NRXN3: variants seen among roughly 807,000 people sequenced by gnomAD.
NRXN3 encodes the protein neurexin 3.
NRXN3 carries 32 observed loss-of-function variants against 137.6 expected under a neutral mutation model. That is an observed-to-expected ratio of 0.23 (90% CI 0.18 to 0.31). NRXN3 has a LOEUF of 0.31. Among genes scored for constraint, NRXN3 ranks in the 10% least tolerant of loss-of-function variants. The pLI, the probability that NRXN3 is intolerant of heterozygous loss-of-function variation, is 1.00. For synonymous variants in NRXN3, 798 were observed against 784.5 expected (o/e 1.02, Z -0.29); for missense variants, 1,574 against 2,062.5 (o/e 0.76, Z 4.59).
rs200832143 is a variant in NRXN3, at chr14:78,943,620, AAATATATATATAT to A, written c.2276-13620_2276-13608del. ...AAGCAAGATCACTGTTAAAAAAAAA[AAATATATATATAT>A]ATATATATATATATATATATATATA... On this transcript the variant is annotated intron_variant, in intron 10 of 20. Coordinates refer to ENST00000335750, the MANE Select transcript of NRXN3 (RefSeq NM_001330195.2). Among the ~76,000 whole-genome samples, 21 of 32,096 alleles carry A rather than the reference AAATATATATATAT, an allele frequency of 6.5e-4. 1 individual carries two copies. The highest frequency in any genetic ancestry group is 4.6e-3 in the East Asian group (5 of 1,082). 21.1% of individuals were successfully genotyped at this position (32,096 alleles called of 152,430 possible). A position where few individuals can be genotyped will look rare whatever the true frequency, so the allele number is the denominator to read the frequency against.
At chr14:79,385,685 T>A (rs1344961397) in intron 15 of NRXN3, among the ~76,000 whole-genome samples, 2 of 152,144 alleles carry the variant, frequency 1.3e-5, no homozygotes, top group Non-Finnish European at 2.9e-5. Flanking sequence ...TAAAAGTGTG[T>A]GGCCATTTAC....
chr14:79,016,555 T>C (rs1425762098), intron 15 of NRXN3, among the ~76,000 whole-genome samples: 2 of 152,146 alleles, frequency 1.3e-5, no homozygotes, highest in African/African-American at 2.4e-5. Flanking sequence ...CCAGCTCTAG[T>C]AGAGCCTGTG....
At chr14:78,292,614 A>G (rs941054942) in intron 3 of NRXN3, among the ~76,000 whole-genome samples, 9 of 152,174 alleles carry the variant, frequency 5.9e-5, no homozygotes, top group African/African-American at 2.2e-4. Context: ...ATTATTTTTT[A>G]AAAAAGGAAT....
At chr14:79,525,398 T>G (rs1327165604) in intron 16 of NRXN3, among the ~76,000 whole-genome samples, 1 of 152,164 alleles carries the variant, frequency 6.6e-6, no homozygotes, top group Non-Finnish European at 1.5e-5. Flanking sequence ...GGCACAAATC[T>G]CCAACTCATG....
chr14:78,395,064 T>G (rs2091290873), intron 4 of NRXN3, among the ~76,000 whole-genome samples: 2 of 151,824 alleles, frequency 1.3e-5, no homozygotes, highest in African/African-American at 4.8e-5. Flanking sequence ...CTTTCATTAG[T>G]TGTTGCTTTT....
intron 15 of NRXN3, among the ~76,000 whole-genome samples, chr14:79,458,469 G>A (rs2096284662): frequency 6.6e-6 from 1 of 152,126 alleles, no homozygotes; most frequent in Non-Finnish European, 1.5e-5. Flanking sequence ...TCTACTCCAT[G>A]CCTGAATGGC....
At chr14:78,340,439 C>T (rs547036139) in intron 4 of NRXN3, among the ~76,000 whole-genome samples, 119 of 152,248 alleles carry the variant, frequency 7.8e-4, no homozygotes, top group African/African-American at 2.7e-3. Flanking sequence ...TTTCATGATT[C>T]AGTGGGTTGA....
At chr14:78,208,505 GATCAA>G (rs2062425680) in intron 1 of NRXN3, among the ~76,000 whole-genome samples, 2 of 152,084 alleles carry the variant, frequency 1.3e-5, no homozygotes, top group Non-Finnish European at 2.9e-5. Flanking sequence ...TTAAAATTCA[GATCAA>G]ATGCCTCCTC....
chr14:78,619,075 G>T (rs960582995), intron 4 of NRXN3, among the ~76,000 whole-genome samples: 9 of 152,092 alleles, frequency 5.9e-5, no homozygotes, highest in African/African-American at 2.2e-4. Flanking sequence ...AGTTCCATCA[G>T]GGAGGGAGGA....
In NRXN3 at chr14:79,780,321, C is replaced by T. The variant is rs183869465; in HGVS notation, c.4015-24791C>T. On this transcript the variant is annotated intron_variant, in intron 19 of 20. Coordinates refer to ENST00000335750, the MANE Select transcript of NRXN3 (RefSeq NM_001330195.2). Reference sequence around the variant, plus strand: ...TATTTATTATAAAATCTTTTACCAGCTGGGCATGGTGGCTCATGCCTGTAA... The same window carrying T: ...TATTTATTATAAAATCTTTTACCAGTTGGGCATGGTGGCTCATGCCTGTAA... 1.1e-4 allele frequency among the ~76,000 whole-genome samples: 17 copies of T among 152,166 alleles called. No individual in the cohort carries two copies. In the East Asian group the frequency reaches 3.3e-3, roughly 29 times the overall value.
chr14:79,407,400 C>T (rs2095335549), intron 15 of NRXN3, among the ~76,000 whole-genome samples: 1 of 152,074 alleles, frequency 6.6e-6, no homozygotes, highest in Non-Finnish European at 1.5e-5. Flanking sequence ...CCTTCATATA[C>T]TTCTTATTGG....
At chr14:78,343,808 A>G (rs2082400073) in intron 4 of NRXN3, among the ~76,000 whole-genome samples, 1 of 152,182 alleles carries the variant, frequency 6.6e-6, no homozygotes, top group African/African-American at 2.4e-5. Flanking sequence ...AAAGTCTCCC[A>G]ACCAATTAAT....
At chr14:79,307,364 G>T (rs1242346633) in intron 15 of NRXN3, among the ~76,000 whole-genome samples, 2 of 151,888 alleles carry the variant, frequency 1.3e-5, no homozygotes, top group Admixed American at 6.6e-5. Flanking sequence ...TATATTTTAG[G>T]TTTACCCCTT....
intron 6 of NRXN3, among the ~76,000 whole-genome samples, chr14:78,653,647 T>A (rs1342994945): frequency 6.6e-6 from 1 of 151,272 alleles, no homozygotes; most frequent in Non-Finnish European, 1.5e-5. Flanking sequence ...TTGAAACAAG[T>A]CTCATAAAAA....
rs554022927 is a variant in NRXN3 at position 79,008,182 on chromosome 14, T to G, written c.3262+20041T>G. Among the ~76,000 whole-genome samples, 17 of 152,350 alleles carry G rather than the reference T, an allele frequency of 1.1e-4. 1 individual carries two copies. In the South Asian group the frequency reaches 3.5e-3, roughly 32 times the overall value. On this transcript the variant is annotated intron_variant, in intron 15 of 20. Transcript: ENST00000335750. ...GAAAACCATTTCTACAAATCAACTC[T>G]GTTAAACCTTGTCGCCCCAAATCAA...
At chr14:78,439,891 C>T (rs1382190072) in intron 4 of NRXN3, among the ~76,000 whole-genome samples, 6 of 152,176 alleles carry the variant, frequency 3.9e-5, no homozygotes, top group Non-Finnish European at 7.3e-5. Flanking sequence ...CTCTCTTCCT[C>T]CTTCTATTCC....
chr14:78,853,760 A>G (rs759958027), intron 10 of NRXN3, among the ~76,000 whole-genome samples: 1 of 151,988 alleles, frequency 6.6e-6, no homozygotes, highest in Non-Finnish European at 1.5e-5. Flanking sequence ...GTTCACATCT[A>G]TTTCTTTGCT....
chr14:78,380,289 C>CA (rs1161811333), intron 4 of NRXN3, among the ~76,000 whole-genome samples: 2 of 107,364 alleles, frequency 1.9e-5, no homozygotes, highest in Non-Finnish European at 3.4e-5. Context: ...GCCTGGGCGA[C>CA]AGAGCGAGAC....
At chr14:78,323,191 C>A (rs1037694295) in intron 4 of NRXN3, among the ~76,000 whole-genome samples, 1 of 151,970 alleles carries the variant, frequency 6.6e-6, no homozygotes, top group Non-Finnish European at 1.5e-5. Flanking sequence ...TATCAACCTA[C>A]GAACATGATA....
Sources: allele counts gnomAD v4.1 joint callset (sites outside exome capture counted in the v4.1 genomes callset), GRCh38; gene constraint gnomAD v4.1.1; transcripts MANE v1.5; gene names NCBI Gene and HGNC (gene_info 2026-07-23, HGNC 2026-07-21).